The following GLOD4 variants were observed in gnomAD, a reference collection of about 807,000 sequenced individuals.
GLOD4 encodes glyoxalase domain containing 4, also known as glyoxalase domain-containing protein 4.
GLOD4 carries 44 observed loss-of-function variants against 39.1 expected under a neutral mutation model. The ratio of observed to expected loss-of-function variants is 1.13; its 90% CI spans 0.88 to 1.45. The LOEUF (loss-of-function observed/expected upper bound fraction) is 1.45, where lower values mean the gene tolerates loss of function less well. Among genes scored for constraint, GLOD4 ranks in the 40% most tolerant of loss-of-function variants. The pLI, the probability that GLOD4 is intolerant of heterozygous loss-of-function variation, is 0.00. For synonymous variants in GLOD4, 145 were observed against 135.0 expected, an observed-to-expected ratio of 1.07 and a Z score of -0.52; for missense variants, 405 against 366.4, an observed-to-expected ratio of 1.11 and a Z score of -0.86.
chr17:763,181 TAAAA>T (rs61285863), intron 8 of GLOD4, among the ~76,000 whole-genome samples: 2 of 121,920 alleles, frequency 1.6e-5, no homozygotes, highest in Admixed American at 8.9e-5. Flanking sequence ...AGACTCCGTC[TAAAA>T]AAAAAAAAAA....
intron 8 of GLOD4, among the ~76,000 whole-genome samples, chr17:760,926 C>A (rs941658): frequency 6.6e-6 from 1 of 151,948 alleles, no homozygotes; most frequent in South Asian, 2.1e-4. Context: ...GTCTCATATA[C>A]ATACATACAG....
At chr17:775,681 C>T (rs1908784023) in intron 4 of GLOD4, 94 bp downstream of exon 4, 2 of 1,015,302 alleles carry the variant, frequency 2.0e-6, no homozygotes, top group East Asian at 2.4e-5. Flanking sequence ...GTCACGTGAA[C>T]ACAGACTCTA....
At chr17:780,685 G>A (rs932924991) in intron 1 of GLOD4, 1 of 146,770 alleles carries the variant, frequency 6.8e-6, no homozygotes, top group African/African-American at 2.5e-5. Context: ...TGAGCTTACA[G>A]TGAGCCGAGA....
chr17:759,417 A>G lies in GLOD4; in HGVS notation c.*756T>C, dbSNP rs1308841079. 1 of 152,260 alleles carries G rather than the reference A, an allele frequency of 6.6e-6. No individual in the cohort carries two copies. Among genetic ancestry groups the G allele is most frequent in the Admixed American group, 6.5e-5 (1 of 15,284 alleles). 9.4% of individuals were successfully genotyped at this position (152,260 alleles called of 1,614,324 possible). A position where few individuals can be genotyped will look rare whatever the true frequency, so the allele number is the denominator to read the frequency against. ...CCTATTTGTTGTTTAGAACCAAACA[A>G]AACTACAAGAAAACATTTTCAAAAC... On this transcript the variant is annotated 3_prime_UTR_variant, in exon 9 of 9. Transcript: ENST00000301329.
intron 8 of GLOD4, among the ~76,000 whole-genome samples, chr17:767,662 A>G (rs934010337): frequency 2.6e-5 from 4 of 150,954 alleles, no homozygotes; most frequent in Non-Finnish European, 5.9e-5. Context: ...AAATCTGGAG[A>G]GGACGTGAGA....
chr17:785,125 G>A (rs1374673721), upstream of GLOD4, among the ~76,000 whole-genome samples: 4 of 151,900 alleles, frequency 2.6e-5, no homozygotes, highest in Admixed American at 6.6e-5. Context: ...TTGAATATTT[G>A]ATAATTATAC....
At chr17:763,379 G>C (rs1189320386) in intron 8 of GLOD4, among the ~76,000 whole-genome samples, 2 of 151,506 alleles carry the variant, frequency 1.3e-5, no homozygotes, top group Non-Finnish European at 2.9e-5. Context: ...ATGGTGGCGG[G>C]TGCCTGTAAT....
intron 2 of GLOD4, 144 bp from the exon 3 acceptor site, chr17:777,132 A>G (rs1909100478): frequency 1.4e-6 from 1 of 716,862 alleles, no homozygotes; most frequent in Admixed American, 2.3e-5. Context: ...CAGATGGTAC[A>G]GAAAGCAGCT....
At chr17:773,489 TGGTTCTCTCTG>T (rs1350715908) in intron 4 of GLOD4, among the ~76,000 whole-genome samples, 90 of 152,242 alleles carry the variant, frequency 5.9e-4, no homozygotes, top group African/African-American at 2.2e-3. Context: ...ATGTCAGCAG[TGGTTCTCTCTG>T]GGTACATGGG....
At chr17:768,223 TGAGA>T (rs1309016078) in intron 8 of GLOD4, among the ~76,000 whole-genome samples, 92 of 83,154 alleles carry the variant, frequency 1.1e-3, no homozygotes, top group Middle Eastern at 8.8e-3. Context: ...AGAGGATGTG[TGAGA>T]GAGAAACAGC....
At chr17:763,671 G>C (rs1313832583) in intron 8 of GLOD4, 1 of 151,706 alleles carries the variant, frequency 6.6e-6, no homozygotes, top group East Asian at 1.9e-4. Flanking sequence ...CGGGAACATA[G>C]ATTCAGGTTT....
rs150648798 is a variant in GLOD4 at position 778,559 on chromosome 17, C to T, written c.140+136G>A. ...GCAGAGAAACAGTATGTGTTCCCGA[C>T]GCTCCTGAAGTTGCCTCCCTAATTT... On this transcript the variant is annotated intron_variant, in intron 2 of 8. Coordinates refer to ENST00000301329, the MANE Select transcript of GLOD4 (RefSeq NM_016080.4). 256 of 710,702 alleles carry T rather than the reference C, an allele frequency of 3.6e-4. 2 individuals carry two copies. Among genetic ancestry groups the T allele is most frequent in the African/African-American group, 3.4e-3 (194 of 57,142 alleles). The allele number at this position is 710,702 out of a possible 1,614,324, so 44.0% of individuals were successfully genotyped here.
chr17:770,911 G>A (rs1456460675), intron 5 of GLOD4: 5 of 201,588 alleles, frequency 2.5e-5, no homozygotes, highest in African/African-American at 9.3e-5. Context: ...AGACAATGCT[G>A]CAGCAGATAA....
chr17:770,694 TG>T (rs1188986788), intron 5 of GLOD4, 187 bp from the exon 6 acceptor site: 9 of 433,566 alleles, frequency 2.1e-5, no homozygotes, highest in African/African-American at 1.7e-4. Context: ...CACGCATCTA[TG>T]TTTTTTTTTT....
At chr17:782,368 TC>T, upstream of GLOD4, 1 of 1,613,394 alleles carries the variant, frequency 6.2e-7, no homozygotes, top group East Asian at 2.2e-5. Flanking sequence ...GCAGCCCGGG[TC>T]TCAGGGAACA....
chr17:774,094 A>C (rs1179303079), intron 4 of GLOD4, among the ~76,000 whole-genome samples: 1 of 152,230 alleles, frequency 6.6e-6, no homozygotes, highest in Non-Finnish European at 1.5e-5. Flanking sequence ...TTTTAAAGTC[A>C]GCAAAGGATC....
chr17:770,142 C>A lies in GLOD4; in HGVS notation c.646G>T (p.Asp216Tyr). Residue 216 changes from aspartate to tyrosine, a missense_variant, in exon 7 of 9, where the codon GAC (aspartate) becomes TAC (tyrosine). By Grantham distance (160) the Asp-to-Tyr change is radical. Transcript: ENST00000301329. ...TTCTGGTTCTCCCTTTTCATCAAGT[C>A]TTCTAAGTCTGGCAACTTGAGGAAA... ...CPQKELPDLE[D>Y]LMKRENQKIL... is the part of the protein sequence containing the mutation. 6.2e-7 allele frequency: 1 copy of A among 1,607,140 alleles called. No homozygotes were observed. The highest frequency in any genetic ancestry group is 8.5e-7 in the Non-Finnish European group (1 of 1,173,972).
chr17:785,867 A>T (rs550420987), upstream of GLOD4, among the ~76,000 whole-genome samples: 1 of 152,346 alleles, frequency 6.6e-6, no homozygotes, highest in East Asian at 1.9e-4. Flanking sequence ...ACTATTTTTT[A>T]AAAGCCTACC....
chr17:776,893 T>G lies in GLOD4; in HGVS notation c.236A>C (p.Asp79Ala). ...CATAAAGTCATTGCCAAGCTTGTAG[T>G]CTCCGACGCCATAATTGTAAGTCAG... ...AELTYNYGVG[D>A]YKLGNDFMGI... Residue 79 changes from aspartate to alanine, a missense_variant, in exon 3 of 9, where the codon GAC becomes GCC. Physicochemically the swap from Asp to Ala is moderately radical, Grantham distance 126. Coordinates refer to ENST00000301329, the MANE Select transcript of GLOD4 (RefSeq NM_016080.4). The G allele has an allele frequency of 6.2e-7, 1 of 1,613,384 alleles. No individual in the cohort carries two copies. Among genetic ancestry groups the G allele is most frequent in the South Asian group, 1.1e-5 (1 of 91,066 alleles).
Sources: gnomAD v4.1 joint callset for allele counts (sites outside exome capture counted in the v4.1 genomes callset) on GRCh38, gnomAD v4.1.1 for gene constraint, MANE v1.5 for transcripts, NCBI Gene and HGNC (gene_info 2026-07-23, HGNC 2026-07-21) for gene names.